The following SNTG1 variants were observed in gnomAD, a reference collection of about 807,000 sequenced individuals.
SNTG1 encodes the protein syntrophin gamma 1.
SNTG1 carries 39 observed loss-of-function variants against 74.7 expected under a neutral mutation model. That is an observed-to-expected ratio of 0.52 (90% CI 0.40 to 0.68). SNTG1 has a LOEUF of 0.68. Ranked by LOEUF, SNTG1 falls within the 30% of genes least tolerant of loss-of-function variation. The pLI, the probability that SNTG1 is intolerant of heterozygous loss-of-function variation, is 0.00. For synonymous variants in SNTG1, 254 were observed against 217.1 expected, an observed-to-expected ratio of 1.17 and a Z score of -1.49; for missense variants, 685 against 609.5, an observed-to-expected ratio of 1.12 and a Z score of -1.30.
At chr8:50,710,258 A>G (rs1186660727) in intron 17 of SNTG1, among the ~76,000 whole-genome samples, 2 of 152,224 alleles carry the variant, frequency 1.3e-5, no homozygotes, top group African/African-American at 2.4e-5. Context: ...TACTTTGTGA[A>G]TAAGGAATTT....
At chr8:50,153,414 T>G (rs1026092161) in intron 1 of SNTG1, among the ~76,000 whole-genome samples, 1 of 152,202 alleles carries the variant, frequency 6.6e-6, no homozygotes, top group Non-Finnish European at 1.5e-5. Flanking sequence ...TCAGCATCAT[T>G]CTCTCTCCAG....
At chr8:50,763,387 T>C (rs1472001738) in intron 18 of SNTG1, among the ~76,000 whole-genome samples, 1 of 151,920 alleles carries the variant, frequency 6.6e-6, no homozygotes, top group Non-Finnish European at 1.5e-5. Context: ...TTTAGTCTGA[T>C]TCCAGAGAAC....
At chr8:50,043,268 A>G (rs1214402802) in intron 1 of SNTG1, among the ~76,000 whole-genome samples, 1 of 152,238 alleles carries the variant, frequency 6.6e-6, no homozygotes, top group African/African-American at 2.4e-5. Context: ...TTTTATAAGT[A>G]AAGCAAATGA....
chr8:49,934,955 A>T (rs1807923575), intron 1 of SNTG1, among the ~76,000 whole-genome samples: 1 of 152,100 alleles, frequency 6.6e-6, no homozygotes, highest in Admixed American at 6.6e-5. Context: ...ATATTTTCAA[A>T]AGAAACTATT....
At position 49,951,831 on chromosome 8, in the gene SNTG1, T is replaced by C. The variant is rs527715912; in HGVS notation, c.-103+39600T>C. ...TGTATAGTCTCTGACCATCAAGGAC[T>C]TAAACTAGAAATCGACAACAGAAGG... On this transcript the variant is annotated intron_variant, in intron 1 of 18. Coordinates refer to ENST00000642720, the MANE Select transcript of SNTG1 (RefSeq NM_018967.5). Among the ~76,000 whole-genome samples, 73 of 116,218 alleles carry C rather than the reference T, an allele frequency of 6.3e-4. 1 individual carries two copies. Among genetic ancestry groups the C allele is most frequent in the African/African-American group, 2.0e-3 (63 of 32,088 alleles). 76.2% of individuals were successfully genotyped at this position (116,218 alleles called of 152,430 possible).
chr8:50,369,792 C>T (rs1001544465), intron 2 of SNTG1, among the ~76,000 whole-genome samples: 1 of 152,118 alleles, frequency 6.6e-6, no homozygotes, highest in African/African-American at 2.4e-5. Context: ...TTTCTTCACC[C>T]AGTTTATGGT....
intron 15 of SNTG1, among the ~76,000 whole-genome samples, chr8:50,660,400 AGAAAGAAAGAAAAGAAAGAAAGAAAG>A (rs1455613938): frequency 1.6e-4 from 5 of 31,034 alleles, no homozygotes; most frequent in Admixed American, 3.8e-4. Flanking sequence ...GAAGAAAAAG[AGAAAGAAAGAAAAGAAAGAAAGAAAG>A]AAGAAAGAAA....
intron 1 of SNTG1, among the ~76,000 whole-genome samples, chr8:49,997,474 T>C (rs1200753110): frequency 6.6e-6 from 1 of 152,156 alleles, no homozygotes; most frequent in African/African-American, 2.4e-5. Flanking sequence ...TGTATCTAAA[T>C]CCTTCCCTCC....
intron 1 of SNTG1, among the ~76,000 whole-genome samples, chr8:50,100,107 C>T (rs766421356): frequency 1.3e-5 from 2 of 151,830 alleles, no homozygotes; most frequent in Non-Finnish European, 2.9e-5. Flanking sequence ...TCCTGTCATT[C>T]GAGACAACAT....
At chr8:50,702,692 A>G (rs1164589968) in intron 15 of SNTG1, among the ~76,000 whole-genome samples, 1 of 152,192 alleles carries the variant, frequency 6.6e-6, no homozygotes, top group Non-Finnish European at 1.5e-5. Context: ...ATTTCAGGAA[A>G]TGCCTCTCAG....
intron 4 of SNTG1, among the ~76,000 whole-genome samples, chr8:50,407,525 GAGGA>G (rs1563345062): frequency 6.6e-6 from 1 of 152,150 alleles, no homozygotes; most frequent in East Asian, 1.9e-4. Context: ...CCACAATAGG[GAGGA>G]AGTTGTTTAT....
chr8:50,238,715 C>A (rs571000538), intron 2 of SNTG1, among the ~76,000 whole-genome samples: 2 of 151,768 alleles, frequency 1.3e-5, no homozygotes, highest in African/African-American at 4.8e-5. Context: ...ACCTACAGAA[C>A]GGAAAAAACA....
At chr8:50,522,369 C>A (rs116192107) in intron 9 of SNTG1, among the ~76,000 whole-genome samples, 1 of 152,002 alleles carries the variant, frequency 6.6e-6, no homozygotes, top group South Asian at 2.1e-4. Context: ...ATTCAGTAAA[C>A]CTTGCTGTAA....
intron 9 of SNTG1, 103 bp downstream of exon 9, chr8:50,502,983 G>T: frequency 1.1e-6 from 1 of 938,890 alleles, no homozygotes; most frequent in Non-Finnish European, 1.6e-6. Context: ...TGAGATTTTT[G>T]CCTGACTGTA....
At chr8:50,321,539 T>C (rs1226971997) in intron 2 of SNTG1, among the ~76,000 whole-genome samples, 2 of 151,760 alleles carry the variant, frequency 1.3e-5, no homozygotes, top group East Asian at 2.0e-4. Flanking sequence ...TTCAATGTTA[T>C]TATTGATAAG....
Position 50,048,884 on chromosome 8 carries a change from A to G in SNTG1, c.-102-123677A>G, listed in dbSNP as rs549131692. On this transcript the variant is annotated intron_variant, in intron 1 of 18. Transcript: ENST00000642720. The stretch of plus-strand genomic sequence containing the variant: ...ACTGGGGTTTGGTTTTTAATTTTGT[A>G]ATTCTTTACATTGAAATTTGCTACC... Among the ~76,000 whole-genome samples the G allele has an allele frequency of 1.8e-4, 28 of 152,192 alleles. No homozygotes were observed. The South Asian group carries it at 3.5e-3, about 19-fold the overall frequency.
At chr8:50,109,692 A>G (rs944745733) in intron 1 of SNTG1, among the ~76,000 whole-genome samples, 1 of 152,258 alleles carries the variant, frequency 6.6e-6, no homozygotes, top group African/African-American at 2.4e-5. Context: ...TCTTGGTCTT[A>G]CTTGGGAGAC....
chr8:49,948,289 C>T (rs936381849), intron 1 of SNTG1, among the ~76,000 whole-genome samples: 2 of 151,982 alleles, frequency 1.3e-5, no homozygotes, highest in Non-Finnish European at 2.9e-5. Context: ...TAAGCTGGGC[C>T]TCCAAAAACT....
intron 2 of SNTG1, among the ~76,000 whole-genome samples, chr8:50,281,548 T>G (rs774983148): frequency 3.3e-5 from 5 of 152,148 alleles, no homozygotes; most frequent in African/African-American, 4.8e-5. Flanking sequence ...TGATTTGAAG[T>G]CAGAAGAGTG....
Sources: gnomAD v4.1 joint callset for allele counts (sites outside exome capture counted in the v4.1 genomes callset) on GRCh38, gnomAD v4.1.1 for gene constraint, MANE v1.5 for transcripts, NCBI Gene and HGNC (gene_info 2026-07-23, HGNC 2026-07-21) for gene names.